The following SIDT1 variants were observed in gnomAD, a reference collection of about 807,000 sequenced individuals.
SIDT1 encodes SID1 transmembrane family member 1.
A neutral mutation model predicts 107.5 loss-of-function variants in SIDT1; 101 were observed. The ratio of observed to expected loss-of-function variants is 0.94; its 90% confidence interval spans 0.80 to 1.11. The LOEUF (loss-of-function observed/expected upper bound fraction) is 1.11, where lower values mean the gene tolerates loss of function less well. Among genes scored for constraint, SIDT1 ranks in the 50% least tolerant of loss-of-function variants. The pLI is 0.00. For synonymous variants in SIDT1, 395 were observed against 398.2 expected, an observed-to-expected ratio of 0.99 and a Z score of 0.10; for missense variants, 1,076 against 1,058.2, an observed-to-expected ratio of 1.02 and a Z score of -0.23.
Position 113,583,495 on chromosome 3 carries a change from G to T in SIDT1, c.834G>T (p.Gln278His). ...DYACGGSFFI[Q>H]EKENQTWNLQ... ...CCTGTGGAGGATCTTTCTTCATCCA[G>T]GGTAAGAGCTAGTGAGGAACACTTG... Residue 278 changes from glutamine to histidine, a missense_variant and splice_region_variant, in exon 7 of 25, where the codon CAG becomes CAT. Physicochemically the swap from Gln to His is conservative, Grantham distance 24. Transcript: ENST00000264852. 1 of 1,584,720 alleles carries T rather than the reference G, an allele frequency of 6.3e-7. No homozygotes were observed. Among genetic ancestry groups the T allele is most frequent in the South Asian group, 1.1e-5 (1 of 87,424 alleles).
intron 1 of SIDT1, among the ~76,000 whole-genome samples, chr3:113,541,153 C>CAT (rs1356856640): frequency 5.3e-5 from 8 of 151,848 alleles, no homozygotes; most frequent in African/African-American, 1.9e-4. Flanking sequence ...TACACACACA[C>CAT]ACACACACAC....
rs146622361 is a variant in SIDT1 at position 113,596,280 on chromosome 3, G to A, written c.1045+3232G>A. 5.3e-5 allele frequency among the ~76,000 whole-genome samples: 8 copies of A among 152,348 alleles called. No individual in the cohort carries two copies. In the East Asian group the frequency reaches 1.5e-3, roughly 29 times the overall value. On this transcript the variant is annotated intron_variant, in intron 10 of 24. Coordinates refer to ENST00000264852, the MANE Select transcript of SIDT1 (RefSeq NM_017699.3). ...AAGAAATGGAATCAGGTCCCTACAG[G>A]TTGCCAAATTGGTGGCAGCTCTGTT...
At chr3:113,566,316 TG>T (rs1047295744) in intron 1 of SIDT1, 103 bp from the exon 2 acceptor site, 101 of 1,160,670 alleles carry the variant, frequency 8.7e-5, no homozygotes, top group Admixed American at 1.1e-4. Context: ...ATGGCAACTA[TG>T]GTGTGTGTGT....
rs899048294 is a variant in SIDT1 at position 113,582,166 on chromosome 3, A to G, written c.747+722A>G. On this transcript the variant is annotated intron_variant, in intron 6 of 24. Transcript: ENST00000264852. ...TCAAAAGAATATGGACCATATTTGTACAGCAGCTTATCTTATGATATTTGT... is the reference window on the plus strand; with the variant it reads ...TCAAAAGAATATGGACCATATTTGTGCAGCAGCTTATCTTATGATATTTGT... Among the ~76,000 whole-genome samples, 4 of 152,348 alleles carry G rather than the reference A, an allele frequency of 2.6e-5. No homozygotes were observed. The South Asian group carries it at 6.2e-4, about 24-fold the overall frequency.
At chr3:113,636,479 G>A in the SIDT1 span, among the ~76,000 whole-genome samples, 30 of 152,104 alleles carry the variant, frequency 2.0e-4, no homozygotes, top group East Asian at 5.4e-3. Context: ...AAGGTGGGGG[G>A]GATATAACCT....
At chr3:113,633,260 GAGA>G (rs1378681184), downstream of SIDT1, among the ~76,000 whole-genome samples, 1 of 152,138 alleles carries the variant, frequency 6.6e-6, no homozygotes, top group Non-Finnish European at 1.5e-5. Flanking sequence ...TCTGGTATCA[GAGA>G]AGGATGCTGG....
intron 1 of SIDT1, among the ~76,000 whole-genome samples, chr3:113,563,268 A>C (rs1048988111): frequency 6.6e-6 from 1 of 152,262 alleles, no homozygotes; most frequent in African/African-American, 2.4e-5. Context: ...CTGGAGAGCC[A>C]AATGAAGCAA....
intron 6 of SIDT1, chr3:113,581,730 G>A (rs1023360343): frequency 6.1e-6 from 2 of 329,768 alleles, no homozygotes; most frequent in African/African-American, 2.1e-5. Flanking sequence ...AAAATTAGCT[G>A]GGCTTGGTGG....
At position 113,612,197 on chromosome 3, in the gene SIDT1, G is replaced by A. The variant is rs774276577; in HGVS notation, c.1966+3G>A. On this transcript the variant is annotated splice_donor_region_variant and intron_variant, in intron 19 of 24. Transcript: ENST00000264852. ...TTATATGGGTCGTTTCAAGATAGGT[G>A]AGTCACCTGTTAATTCTATACTAAT... 2 of 1,591,840 alleles carry A rather than the reference G, an allele frequency of 1.3e-6. No homozygotes were observed. Among genetic ancestry groups the A allele is most frequent in the African/African-American group, 1.3e-5 (1 of 74,530 alleles).
chr3:113,574,103 T>C (rs917347867), intron 3 of SIDT1, among the ~76,000 whole-genome samples: 6 of 152,152 alleles, frequency 3.9e-5, no homozygotes, highest in Non-Finnish European at 7.3e-5. Flanking sequence ...TTGTTATTTG[T>C]TTTGAAAATG....
chr3:113,618,674 A>C (rs1395768076), intron 20 of SIDT1, among the ~76,000 whole-genome samples: 1 of 152,240 alleles, frequency 6.6e-6, no homozygotes, highest in East Asian at 1.9e-4. Context: ...GGATCACCTA[A>C]AAGACAAAGA....
At chr3:113,590,400 G>A (rs562660059) in intron 9 of SIDT1, among the ~76,000 whole-genome samples, 1 of 152,210 alleles carries the variant, frequency 6.6e-6, no homozygotes, top group African/African-American at 2.4e-5. Flanking sequence ...CATTTTGAGA[G>A]AATAATTCAC....
In SIDT1 at chr3:113,623,594, T is replaced by C. The variant is rs747187695; in HGVS notation, c.2197-29T>C. The C allele has an allele frequency of 1.9e-6, 3 of 1,602,286 alleles. No homozygotes were observed. In the South Asian group the frequency reaches 3.3e-5, roughly 18 times the overall value. Reference sequence around the variant, plus strand: ...TCGGGCAGGCGAAGGCGGGGTCGCGTGAGGCCGCATCTGCTTCTCCTCCCA... The same window carrying C: ...TCGGGCAGGCGAAGGCGGGGTCGCGCGAGGCCGCATCTGCTTCTCCTCCCA... On this transcript the variant is annotated intron_variant, in intron 22 of 24. Coordinates refer to ENST00000264852, the MANE Select transcript of SIDT1 (RefSeq NM_017699.3).
chr3:113,542,914 G>T (rs908681950), intron 1 of SIDT1, among the ~76,000 whole-genome samples: 2 of 133,660 alleles, frequency 1.5e-5, no homozygotes, highest in South Asian at 4.3e-4. Context: ...GTGTGTGTGT[G>T]TGTGTGTGTG....
intron 1 of SIDT1, among the ~76,000 whole-genome samples, chr3:113,545,459 A>G (rs1939485514): frequency 6.6e-6 from 1 of 152,182 alleles, no homozygotes; most frequent in Non-Finnish European, 1.5e-5. Flanking sequence ...ACAACCTACC[A>G]TTCTAAGTAT....
intron 1 of SIDT1, among the ~76,000 whole-genome samples, chr3:113,548,783 C>G (rs1368454686): frequency 6.6e-6 from 1 of 152,128 alleles, no homozygotes; most frequent in East Asian, 1.9e-4. Context: ...AGCCCCTTTG[C>G]CTTGTCACAT....
At chr3:113,623,874 A>C in intron 23 of SIDT1, 141 bp downstream of exon 23, 1 of 629,562 alleles carries the variant, frequency 1.6e-6, no homozygotes, top group Non-Finnish European at 2.8e-6. Context: ...TAATAGCCGC[A>C]CACAAATGCA....
intron 1 of SIDT1, among the ~76,000 whole-genome samples, chr3:113,565,133 AC>A (rs1941781718): frequency 6.6e-6 from 1 of 152,222 alleles, no homozygotes; most frequent in Admixed American, 6.5e-5. Flanking sequence ...CATTAGAAAA[AC>A]AAAATCTCAT....
downstream of SIDT1, among the ~76,000 whole-genome samples, chr3:113,630,642 A>T (rs760730662): frequency 7.2e-5 from 11 of 152,218 alleles, no homozygotes; most frequent in Non-Finnish European, 1.6e-4. Context: ...TATTCACAGA[A>T]GGAACAGTAC....
Sources: gnomAD v4.1 joint callset for allele counts (sites outside exome capture counted in the v4.1 genomes callset) on GRCh38, gnomAD v4.1.1 for gene constraint, MANE v1.5 for transcripts, NCBI Gene and HGNC (gene_info 2026-07-23, HGNC 2026-07-21) for gene names.